CRISPLD1: variants seen among roughly 807,000 people sequenced by gnomAD.
The protein encoded by CRISPLD1 is cysteine-rich secretory protein LCCL domain-containing 1.
In CRISPLD1, 60 loss-of-function variants were observed where a neutral mutation model predicts 77.5. The ratio of observed to expected loss-of-function variants is 0.77; its 90% confidence interval spans 0.63 to 0.96. The LOEUF (loss-of-function observed/expected upper bound fraction) is 0.96, where lower values mean the gene tolerates loss of function less well. Ranked by LOEUF, CRISPLD1 falls within the 40% of genes least tolerant of loss-of-function variation. The pLI is 0.00. For missense variants in CRISPLD1, 623 were observed against 615.8 expected (o/e 1.01, Z -0.12); for synonymous variants, 195 against 200.1 (o/e 0.97, Z 0.22).
At chr8:74,990,253 C>G (rs1233015085) in intron 2 of CRISPLD1, among the ~76,000 whole-genome samples, 1 of 149,370 alleles carries the variant, frequency 6.7e-6, no homozygotes, top group East Asian at 1.9e-4. Context: ...ATCAATGTAA[C>G]AAAACCGCAC....
At chr8:74,992,128 A>T (rs1166632412) in intron 2 of CRISPLD1, among the ~76,000 whole-genome samples, 1 of 152,162 alleles carries the variant, frequency 6.6e-6, no homozygotes, top group East Asian at 1.9e-4. Flanking sequence ...GAATGAGGGG[A>T]TGGATGGATG....
At chr8:74,996,571 A>G (rs1812648402) in intron 2 of CRISPLD1, among the ~76,000 whole-genome samples, 2 of 152,108 alleles carry the variant, frequency 1.3e-5, no homozygotes, top group South Asian at 2.1e-4. Context: ...CATTCTAGGC[A>G]GGAGAAATAC....
intron 2 of CRISPLD1, among the ~76,000 whole-genome samples, chr8:75,007,716 A>G (rs1409709235): frequency 7.6e-6 from 1 of 131,698 alleles, no homozygotes; most frequent in Non-Finnish European, 1.5e-5. Context: ...ATTGTGGCCC[A>G]GGCTAGAGTG....
chr8:75,024,843 G>A (rs1467796969), intron 12 of CRISPLD1, among the ~76,000 whole-genome samples: 2 of 152,128 alleles, frequency 1.3e-5, no homozygotes, highest in African/African-American at 4.8e-5. Context: ...TGAATGTAAG[G>A]TGTGAGATTA....
chr8:75,012,567 A>G lies in CRISPLD1; in HGVS notation c.377+16A>G. 1 of 1,489,596 alleles carries G rather than the reference A, an allele frequency of 6.7e-7. No individual in the cohort carries two copies. The highest frequency in any genetic ancestry group is 9.4e-7 in the Non-Finnish European group (1 of 1,067,184). 92.3% of individuals were successfully genotyped at this position (1,489,596 alleles called of 1,614,324 possible). A position where few individuals can be genotyped will look rare whatever the true frequency, so the allele number is the denominator to read the frequency against. ...ACTGGGGAAGGTATCTTAAAGCACA[A>G]CTTTTTCTTTATGAAAAAATAAGTG... On this transcript the variant is annotated intron_variant, in intron 3 of 14. Coordinates refer to ENST00000262207, the MANE Select transcript of CRISPLD1 (RefSeq NM_031461.6).
intron 2 of CRISPLD1, among the ~76,000 whole-genome samples, chr8:75,000,832 T>C (rs1455809): frequency 0.43 from 64,911 of 151,690 alleles, 16,716 homozygotes; most frequent in African/African-American, 0.74. Context: ...TTATGTTAGC[T>C]GGAAGGAAAA....
intron 12 of CRISPLD1, among the ~76,000 whole-genome samples, chr8:75,021,339 G>A (rs955078710): frequency 1.3e-5 from 2 of 152,134 alleles, no homozygotes; most frequent in African/African-American, 4.8e-5. Context: ...AACAATAAAT[G>A]TCCTCACATA....
intron 2 of CRISPLD1, among the ~76,000 whole-genome samples, chr8:74,996,961 C>T (rs1375085815): frequency 6.6e-6 from 1 of 152,002 alleles, no homozygotes; most frequent in African/African-American, 2.4e-5. Context: ...AAGTGATCCT[C>T]CTGCCTCGGC....
rs1812488538 is a variant in CRISPLD1 at position 74,985,948 on chromosome 8, T to A, written c.-40T>A. On this transcript the variant is annotated 5_prime_UTR_variant, in exon 2 of 15. Coordinates refer to ENST00000262207, the MANE Select transcript of CRISPLD1 (RefSeq NM_031461.6). ...TAGCCAAAAGGAGTGGAAGAGCCTG[T>A]CTTGGAGATTTTCCTGGGGAAATCC... 1 of 1,587,718 alleles carries A rather than the reference T, an allele frequency of 6.3e-7. No individual in the cohort carries two copies. Among genetic ancestry groups the A allele is most frequent in the Admixed American group, 1.7e-5 (1 of 58,476 alleles).
At position 75,014,872 on chromosome 8, in the gene CRISPLD1, T is replaced by A; in HGVS notation, c.687T>A (p.Pro229=). 1 of 1,578,772 alleles carries A rather than the reference T, an allele frequency of 6.3e-7. No individual in the cohort carries two copies. Among genetic ancestry groups the A allele is most frequent in the Non-Finnish European group, 8.6e-7 (1 of 1,168,372 alleles). The change falls in exon 6 of 15, where the codon CCT becomes CCA. Residue 229 remains proline (P), a synonymous_variant. Transcript: ENST00000262207. ...GGCGGCCCTGTTCTGCTTGCCCACCTAGTTTTGGAGGGGGCTGTAGAGAAA... is the reference window on the plus strand; with the variant it reads ...GGCGGCCCTGTTCTGCTTGCCCACCAAGTTTTGGAGGGGGCTGTAGAGAAA... The part of the protein sequence containing the change: ...KHGRPCSACP[P]SFGGGCRENL...
At chr8:75,003,283 T>A (rs959645730) in intron 2 of CRISPLD1, among the ~76,000 whole-genome samples, 1 of 152,242 alleles carries the variant, frequency 6.6e-6, no homozygotes, top group Non-Finnish European at 1.5e-5. Context: ...AGTTTGGATG[T>A]CAAATTGTAG....
At chr8:74,985,408 T>C (rs942555348) in intron 1 of CRISPLD1, among the ~76,000 whole-genome samples, 1 of 152,192 alleles carries the variant, frequency 6.6e-6, no homozygotes, top group African/African-American at 2.4e-5. Flanking sequence ...CTTTTGTATT[T>C]CTTTGAAACA....
chr8:75,016,174 C>T (rs1360276707), intron 6 of CRISPLD1, among the ~76,000 whole-genome samples: 2 of 152,044 alleles, frequency 1.3e-5, no homozygotes, highest in Non-Finnish European at 2.9e-5. Flanking sequence ...TAAATGTGAT[C>T]CTCCTGAAAA....
At chr8:74,988,764 G>A (rs1167459868) in intron 2 of CRISPLD1, among the ~76,000 whole-genome samples, 1 of 152,146 alleles carries the variant, frequency 6.6e-6, no homozygotes, top group Non-Finnish European at 1.5e-5. Flanking sequence ...GAACCCAGGA[G>A]GGGAAGGTTG....
At chr8:75,013,727 G>A (rs963117571) in intron 4 of CRISPLD1, among the ~76,000 whole-genome samples, 3 of 152,050 alleles carry the variant, frequency 2.0e-5, no homozygotes, top group Non-Finnish European at 4.4e-5. Context: ...TGTAACTTTT[G>A]AATTATTTAC....
At chr8:75,030,680 ATGTGTG>A (rs34737814) in intron 14 of CRISPLD1, among the ~76,000 whole-genome samples, 37 of 146,552 alleles carry the variant, frequency 2.5e-4, no homozygotes, top group African/African-American at 6.5e-4. Context: ...CCGGAGATAT[ATGTGTG>A]TGTGTGTGTG....
intron 2 of CRISPLD1, among the ~76,000 whole-genome samples, chr8:74,992,654 G>A (rs934486092): frequency 6.6e-6 from 1 of 152,266 alleles, no homozygotes; most frequent in Middle Eastern, 3.4e-3. Context: ...CTACTGGGGG[G>A]TTGATTGCTA....
chr8:74,999,257 C>T (rs1407263874), intron 2 of CRISPLD1, among the ~76,000 whole-genome samples: 12 of 152,138 alleles, frequency 7.9e-5, no homozygotes. Flanking sequence ...TCTATATTGG[C>T]AGCTCATAAA....
At chr8:75,027,538 A>G (rs942047204) in intron 13 of CRISPLD1, among the ~76,000 whole-genome samples, 1 of 152,190 alleles carries the variant, frequency 6.6e-6, no homozygotes, top group Non-Finnish European at 1.5e-5. Context: ...ATATCTTGAG[A>G]TCATTTTATC....
Sources: allele counts gnomAD v4.1 joint callset (sites outside exome capture counted in the v4.1 genomes callset), GRCh38; gene constraint gnomAD v4.1.1; transcripts MANE v1.5; gene names NCBI Gene and HGNC (gene_info 2026-07-23, HGNC 2026-07-21).